The following IDH3A variants were observed in gnomAD, a reference collection of about 807,000 sequenced individuals.
The protein encoded by IDH3A is isocitrate dehydrogenase (NAD(+)) 3 catalytic subunit alpha.
IDH3A carries 23 observed loss-of-function variants against 43.3 expected under a neutral mutation model. The observed-to-expected ratio is 0.53, with a 90% confidence interval of 0.38 to 0.75. The LOEUF is 0.75. Ranked by LOEUF, IDH3A falls within the 30% of genes least tolerant of loss-of-function variation. The pLI, the probability that IDH3A is intolerant of heterozygous loss-of-function variation, is 0.00. For synonymous variants in IDH3A, 154 were observed against 163.5 expected (o/e 0.94, Z 0.44); for missense variants, 329 against 474.4 (o/e 0.69, Z 2.85).
chr15:78,158,593 C>T (rs1567069970), intron 3 of IDH3A, among the ~76,000 whole-genome samples: 1 of 145,956 alleles, frequency 6.9e-6, no homozygotes, highest in Non-Finnish European at 1.5e-5. Flanking sequence ...TCTCCTGTCT[C>T]AGCCTCCCAA....
At chr15:78,158,541 A>G (rs1349138920) in intron 3 of IDH3A, among the ~76,000 whole-genome samples, 2 of 133,592 alleles carry the variant, frequency 1.5e-5, no homozygotes, top group African/African-American at 2.9e-5. Flanking sequence ...CGATGGAGCA[A>G]TCTCGGCTCA....
intron 9 of IDH3A, among the ~76,000 whole-genome samples, chr15:78,165,525 A>T (rs1282814441): frequency 6.6e-6 from 1 of 151,494 alleles, no homozygotes; most frequent in Non-Finnish European, 1.5e-5. Flanking sequence ...ATATATAAAC[A>T]TATATATATG....
chr15:78,150,072 C>G (rs1302188856), intron 1 of IDH3A, among the ~76,000 whole-genome samples: 1 of 152,222 alleles, frequency 6.6e-6, no homozygotes, highest in African/African-American at 2.4e-5. Flanking sequence ...TCGGAATTAC[C>G]GTCTGAACCT....
chr15:78,171,600 C>T lies in IDH3A; in HGVS notation c.*2595C>T. On this transcript the variant is annotated 3_prime_UTR_variant, in exon 11 of 11. Coordinates refer to ENST00000299518, the MANE Select transcript of IDH3A (RefSeq NM_005530.3). ...ACTCTGAGAATGTGTGTGGTAAAGA[C>T]TCACACTCAGTCCTATATATAACTC... 1 of 1,294,650 alleles carries T rather than the reference C, an allele frequency of 7.7e-7. No homozygotes were observed. Among genetic ancestry groups the T allele is most frequent in the East Asian group, 2.3e-5 (1 of 42,686 alleles). The allele number at this position is 1,294,650 out of a possible 1,614,324, so 80.2% of individuals were successfully genotyped here.
At position 78,171,382 on chromosome 15, in the gene IDH3A, C is replaced by A. The variant is rs1255772829; in HGVS notation, c.*2377C>A. Reference sequence around the variant, plus strand: ...GTGCCCAGACTGAAGAGACCTGGGGCTCAGGAAGAGGCTCGGAACGCCTGC... The same window carrying A: ...GTGCCCAGACTGAAGAGACCTGGGGATCAGGAAGAGGCTCGGAACGCCTGC... On this transcript the variant is annotated 3_prime_UTR_variant, in exon 11 of 11. Coordinates refer to ENST00000299518, the MANE Select transcript of IDH3A (RefSeq NM_005530.3). 6 of 1,427,646 alleles carry A rather than the reference C, an allele frequency of 4.2e-6. No individual in the cohort carries two copies. Among genetic ancestry groups the A allele is most frequent in the Non-Finnish European group, 5.9e-6 (6 of 1,018,890 alleles). The allele number at this position is 1,427,646 out of a possible 1,614,324, so 88.4% of individuals were successfully genotyped here.
chr15:78,161,531 T>G lies in IDH3A; in HGVS notation c.290-50T>G. 1 of 1,523,196 alleles carries G rather than the reference T, an allele frequency of 6.6e-7. No homozygotes were observed. Among genetic ancestry groups the G allele is most frequent in the Non-Finnish European group, 9.0e-7 (1 of 1,112,130 alleles). The allele number at this position is 1,523,196 out of a possible 1,614,324, so 94.4% of individuals were successfully genotyped here. ...CCGAGGTGGGTTAGTAGGTCACACG[T>G]GAGACCAGAATTCCTTCTAGTGTCA... On this transcript the variant is annotated intron_variant, in intron 4 of 10. Transcript: ENST00000299518. The surrounding 1 kb of genome is among the most constrained non-coding windows in gnomAD (Gnocchi z 4.8).
intron 3 of IDH3A, among the ~76,000 whole-genome samples, chr15:78,158,383 G>A (rs935952286): frequency 6.9e-6 from 1 of 144,936 alleles, no homozygotes; most frequent in Non-Finnish European, 1.5e-5. Context: ...GATGTAGGTA[G>A]AGAGAAAGGG....
rs1488017754 is a variant in IDH3A, at chr15:78,154,168, T to C, written c.28-1045T>C. Among the ~76,000 whole-genome samples the C allele has an allele frequency of 2.7e-5, 4 of 147,704 alleles. No homozygotes were observed. The Admixed American group carries it at 2.7e-4, about 10-fold the overall frequency. On this transcript the variant is annotated intron_variant, in intron 1 of 10. Coordinates refer to ENST00000299518, the MANE Select transcript of IDH3A (RefSeq NM_005530.3). ...ACCTTTAAAATTTATATTTCTGGCA[T>C]ATGATGTTAATTGGAGAGAGAAAAA...
intron 2 of IDH3A, chr15:78,155,774 C>G (rs2074618497): frequency 6.6e-6 from 1 of 152,594 alleles, no homozygotes; most frequent in Admixed American, 6.5e-5. Context: ...AGTAGTAGAT[C>G]ATCTATTGTT....
chr15:78,157,727 T>A, intron 3 of IDH3A, 96 bp downstream of exon 3: 1 of 756,434 alleles, frequency 1.3e-6, no homozygotes, highest in Non-Finnish European at 2.2e-6. Context: ...TTGTACCCAT[T>A]TCTATGAAAT....
chr15:78,151,749 C>G (rs2074577575), intron 1 of IDH3A, among the ~76,000 whole-genome samples: 1 of 151,670 alleles, frequency 6.6e-6, no homozygotes, highest in African/African-American at 2.4e-5. Context: ...CTGAAAAGTG[C>G]CAATAATGCC....
At position 78,163,522 on chromosome 15, in the gene IDH3A, G is replaced by T. The variant is rs781234381; in HGVS notation, c.627G>T (p.Gly209=). Residue 209 remains glycine (G), a synonymous_variant, in exon 7 of 11, where the codon GGG becomes GGT. Transcript: ENST00000299518. ...TTAAATACAGGCGGATGTCAGATGGGCTTTTTCTACAAAAATGCAGGGAAG... is the reference window on the plus strand; with the variant it reads ...TTAAATACAGGCGGATGTCAGATGGTCTTTTTCTACAAAAATGCAGGGAAG... The part of the protein sequence containing the change: ...HKANIMRMSD[G]LFLQKCREVA... 5.6e-6 allele frequency: 9 copies of T among 1,611,500 alleles called. No individual in the cohort carries two copies. The South Asian group carries it at 8.8e-5, about 16-fold the overall frequency.
Position 78,160,073 on chromosome 15 carries a change from T to C in IDH3A, c.175-19T>C, listed in dbSNP as rs1329238624. 1 of 1,422,710 alleles carries C rather than the reference T, an allele frequency of 7.0e-7. No individual in the cohort carries two copies. The allele number at this position is 1,422,710 out of a possible 1,614,324, so 88.1% of individuals were successfully genotyped here. Reference sequence around the variant, plus strand: ...TTTAAGTCTCTCCAGCTCACTGTGCTCTGTGATGTGGCATCTAGGCACCTA... The same window carrying C: ...TTTAAGTCTCTCCAGCTCACTGTGCCCTGTGATGTGGCATCTAGGCACCTA... On this transcript the variant is annotated intron_variant, in intron 3 of 10. Transcript: ENST00000299518.
chr15:78,157,529 G>A lies in IDH3A; in HGVS notation c.91-19G>A, dbSNP rs1346474548. On this transcript the variant is annotated intron_variant, in intron 2 of 10. Coordinates refer to ENST00000299518, the MANE Select transcript of IDH3A (RefSeq NM_005530.3). ...AACAAAAATTCTTACTGTCTTCTTT[G>A]ATGATTTCTTATGTTCAGGTTCAGA... 1 of 1,556,194 alleles carries A rather than the reference G, an allele frequency of 6.4e-7. No individual in the cohort carries two copies. The highest frequency in any genetic ancestry group is 2.3e-5 in the East Asian group (1 of 44,274).
chr15:78,150,029 A>G lies in IDH3A; in HGVS notation c.27+599A>G, dbSNP rs74567285. ...TCAGACCTCTAGTGCTCTTGTAGCT[A>G]TTTCCCCTTCATAGGATAGGGCATC... is the stretch of plus-strand genomic sequence containing the variant. On this transcript the variant is annotated intron_variant, in intron 1 of 10. Transcript: ENST00000299518. Among the ~76,000 whole-genome samples, 1,068 of 152,198 alleles carry G rather than the reference A, an allele frequency of 7.0e-3. 18 individuals are homozygous for G. The highest frequency in any genetic ancestry group is 0.024 in the African/African-American group (1,011 of 41,514).
chr15:78,162,200 T>G (rs1022364125), intron 5 of IDH3A, 34 bp from the exon 6 acceptor site: 2 of 1,613,110 alleles, frequency 1.2e-6, no homozygotes, highest in Non-Finnish European at 1.7e-6. Flanking sequence ...GCTGTCACAC[T>G]CTTTCCAGCA....
chr15:78,162,030 C>T (rs1157680286), intron 5 of IDH3A, among the ~76,000 whole-genome samples: 1 of 152,198 alleles, frequency 6.6e-6, no homozygotes, highest in African/African-American at 2.4e-5. Flanking sequence ...CAGTTTTCTT[C>T]ATCTGTGCAG....
intron 1 of IDH3A, among the ~76,000 whole-genome samples, chr15:78,152,788 G>T (rs1457764944): frequency 1.3e-5 from 2 of 152,144 alleles, no homozygotes; most frequent in African/African-American, 4.8e-5. Context: ...CTAAGATCAT[G>T]CAAGAGAGAT....
rs28616259 is a variant in IDH3A, at chr15:78,170,040, A to G, written c.*1035A>G. 1 of 152,246 alleles carries G rather than the reference A, an allele frequency of 6.6e-6. No homozygotes were observed. Among genetic ancestry groups the G allele is most frequent in the African/African-American group, 2.4e-5 (1 of 41,456 alleles). The allele number at this position is 152,246 out of a possible 1,614,324, so 9.4% of individuals were successfully genotyped here. On this transcript the variant is annotated 3_prime_UTR_variant, in exon 11 of 11. Transcript: ENST00000299518. ...AATTACTGCCCTCTGCCTCAGCAGT[A>G]CCAGTATAAGATGACATTCCAAAGA...
Sources: allele counts gnomAD v4.1 joint callset (sites outside exome capture counted in the v4.1 genomes callset), GRCh38; gene constraint gnomAD v4.1.1; non-coding constraint Gnocchi (gnomAD v3.1); transcripts MANE v1.5; gene names NCBI Gene and HGNC (gene_info 2026-07-23, HGNC 2026-07-21).